The following DDHD2 variants were observed in gnomAD, a reference collection of about 807,000 sequenced individuals.
DDHD2 encodes the protein DDHD domain containing 2.
A neutral mutation model predicts 91.2 loss-of-function variants in DDHD2; 62 were observed. The ratio of observed to expected loss-of-function variants is 0.68; its 90% CI spans 0.55 to 0.84. DDHD2 has a LOEUF of 0.84. DDHD2 is among the 40% of genes least tolerant of loss of function. DDHD2 has a pLI of 0.00. For synonymous variants in DDHD2, 271 were observed against 293.9 expected (o/e 0.92, Z 0.80); for missense variants, 740 against 846.9 (o/e 0.87, Z 1.57).
At position 38,237,540 on chromosome 8, in the gene DDHD2, A is replaced by G. The variant is rs113975957; in HGVS notation, c.414A>G (p.Glu138=). ...YSESFSQVLE[E]TYMLAVTLDE... ...AATGAAATGTGTTTTCTTTTAAGGA[A>G]ACTTACATGCTTGCTGTAACTTTGG... Residue 138 remains glutamate (E), a splice_region_variant and synonymous_variant, in exon 4 of 18, where the codon GAA becomes GAG. Coordinates refer to ENST00000397166, the MANE Select transcript of DDHD2 (RefSeq NM_015214.3). 1.3e-6 allele frequency: 2 copies of G among 1,564,414 alleles called. No individual in the cohort carries two copies. Among genetic ancestry groups the G allele is most frequent in the African/African-American group, 1.4e-5 (1 of 73,596 alleles).
At position 38,261,679 on chromosome 8, in the gene DDHD2, CAG is replaced by C. The variant is rs1807041924; in HGVS notation, c.*1109_*1110del. ...TGTAGGGTCCAAGAAACAGCTATTC[CAG>C]AGTCAGTGTCAGCTGAGTCTGGAAC... On this transcript the variant is annotated 3_prime_UTR_variant, in exon 18 of 18. Coordinates refer to ENST00000397166, the MANE Select transcript of DDHD2 (RefSeq NM_015214.3). 6.6e-6 allele frequency: 1 copy of C among 152,100 alleles called. No individual in the cohort carries two copies. Among genetic ancestry groups the C allele is most frequent in the Admixed American group, 6.6e-5 (1 of 15,258 alleles). The allele number at this position is 152,100 out of a possible 1,614,324, so 9.4% of individuals were successfully genotyped here. A position where few individuals can be genotyped will look rare whatever the true frequency, so the allele number is the denominator to read the frequency against.
At chr8:38,264,816 A>C, downstream of DDHD2, 3 of 1,554,216 alleles carry the variant, frequency 1.9e-6, no homozygotes, top group Middle Eastern at 1.7e-4. Flanking sequence ...TCTGAACACC[A>C]AATCAAAACA....
Position 38,236,125 on chromosome 8 carries a change from G to T in DDHD2, c.412-1413G>T, listed in dbSNP as rs112662418. On this transcript the variant is annotated intron_variant, in intron 3 of 17. Coordinates refer to ENST00000397166, the MANE Select transcript of DDHD2 (RefSeq NM_015214.3). ...CCTCCTGGGTTCTTGCCATTCTCCTGTCTCAGCCTCCCAAGTAGCTGGGAC... is the reference window on the plus strand; with the variant it reads ...CCTCCTGGGTTCTTGCCATTCTCCTTTCTCAGCCTCCCAAGTAGCTGGGAC... Among the ~76,000 whole-genome samples the T allele has an allele frequency of 1.6e-3, 236 of 151,998 alleles. 2 individuals are homozygous for T. The highest frequency in any genetic ancestry group is 5.4e-3 in the African/African-American group (222 of 41,446).
At position 38,246,302 on chromosome 8, in the gene DDHD2, T is replaced by C; in HGVS notation, c.1125+2T>C. 1 of 1,600,966 alleles carries C rather than the reference T, an allele frequency of 6.2e-7. No homozygotes were observed. Among genetic ancestry groups the C allele is most frequent in the Non-Finnish European group, 8.5e-7 (1 of 1,169,812 alleles). ...TTGGGGGATATTGACAGTGAAAAGG[T>C]AATTTAGATGTTCAGCTAGGTTTTC... is the stretch of plus-strand genomic sequence containing the variant. On this transcript the variant is annotated splice_donor_variant, in intron 9 of 17. Coordinates refer to ENST00000397166, the MANE Select transcript of DDHD2 (RefSeq NM_015214.3). LOFTEE classifies it high-confidence loss of function.
chr8:38,255,235 A>C (rs1806425393), intron 16 of DDHD2: 1 of 337,516 alleles, frequency 3.0e-6, no homozygotes, highest in African/African-American at 2.3e-5. Context: ...GGTCCTAAGA[A>C]TAATTTTTCC....
intron 1 of DDHD2, 48 bp from the exon 2 acceptor site, chr8:38,232,939 A>G (rs1804404352): frequency 7.2e-7 from 1 of 1,384,410 alleles, no homozygotes; most frequent in South Asian, 1.2e-5. Context: ...GTGTGCGAAC[A>G]GTTACACAGT....
Position 38,247,832 on chromosome 8 carries a change from T to G in DDHD2, c.1245T>G (p.Ala415=). The G allele has an allele frequency of 3.2e-6, 5 of 1,559,586 alleles. No homozygotes were observed. The highest frequency in any genetic ancestry group is 1.2e-5 in the South Asian group (1 of 82,286). Residue 415 remains alanine (A), a synonymous_variant, in exon 10 of 18, where the codon GCT becomes GCG. Transcript: ENST00000397166. ...AGAAGGAGAAAGTAGATAAGGAAGCTCTGGTAAAAATAATCTTTTAAAACT... is the reference window on the plus strand; with the variant it reads ...AGAAGGAGAAAGTAGATAAGGAAGCGCTGGTAAAAATAATCTTTTAAAACT... ...IFEKEKVDKE[A]LALCTDRDLQ...
chr8:38,259,567 G>A (rs1449696182), intron 16 of DDHD2, among the ~76,000 whole-genome samples: 1 of 152,112 alleles, frequency 6.6e-6, no homozygotes. Context: ...TGTATTTTTA[G>A]TAGAGATGGG....
intron 3 of DDHD2, among the ~76,000 whole-genome samples, chr8:38,236,659 G>A (rs1804787449): frequency 6.6e-6 from 1 of 152,174 alleles, no homozygotes; most frequent in African/African-American, 2.4e-5. Context: ...GGGATTACAG[G>A]CATGTGCCAC....
In DDHD2 at chr8:38,247,777, T is replaced by G. The variant is rs774968835; in HGVS notation, c.1190T>G (p.Leu397Arg). Reference protein sequence around the residue: ...TPTLEEDLKKLQLSEFFDIFE... With the variant: ...TPTLEEDLKKRQLSEFFDIFE... Reference sequence around the variant, plus strand: ...ACACTAGAGGAAGATTTGAAGAAACTTCAGCTCTCTGAATTCTTTGATATC... The same window carrying G: ...ACACTAGAGGAAGATTTGAAGAAACGTCAGCTCTCTGAATTCTTTGATATC... The change falls in exon 10 of 18, where the codon CTT becomes CGT. Residue 397 changes from leucine (L) to arginine (R), a missense_variant. Around this residue, in one of 2 missense-constraint regions of DDHD2, gnomAD observed 693 missense variants for 764.2 expected, o/e 0.91. Transcript: ENST00000397166. The G allele has an allele frequency of 6.3e-7, 1 of 1,584,896 alleles. No individual in the cohort carries two copies. Among genetic ancestry groups the G allele is most frequent in the African/African-American group, 1.4e-5 (1 of 73,500 alleles).
At chr8:38,249,854 G>T (rs752734196) in intron 11 of DDHD2, 51 bp downstream of exon 11, 2 of 1,246,978 alleles carry the variant, frequency 1.6e-6, no homozygotes, top group Non-Finnish European at 1.1e-6. Flanking sequence ...GATGTCCATA[G>T]TGTGTCCTTG....
At position 38,249,758 on chromosome 8, in the gene DDHD2, A is replaced by G. The variant is rs1019701843; in HGVS notation, c.1299A>G (p.Pro433=). 8 of 1,612,316 alleles carry G rather than the reference A, an allele frequency of 5.0e-6. No individual in the cohort carries two copies. The highest frequency in any genetic ancestry group is 2.7e-5 in the African/African-American group (2 of 74,872). ...DLQEIGIPLG[P]RKKILNYFST... is the part of the protein sequence containing the mutation. ...AGGAAATAGGAATTCCTTTAGGACC[A>G]AGAAAGAAGATATTAAACTATTTCA... Residue 433 remains proline (P), a synonymous_variant, in exon 11 of 18, where the codon CCA becomes CCG. Transcript: ENST00000397166.
intron 10 of DDHD2, among the ~76,000 whole-genome samples, chr8:38,248,372 T>TG (rs1805818416): frequency 6.7e-6 from 1 of 148,312 alleles, no homozygotes; most frequent in Admixed American, 6.7e-5. Context: ...GCTGATTTGT[T>TG]TTTTTTTTTT....
chr8:38,255,181 C>T (rs575772618), intron 16 of DDHD2: 44 of 247,742 alleles, frequency 1.8e-4, no homozygotes, highest in African/African-American at 8.5e-4. Context: ...GGTGACAGAG[C>T]GAGACTCCAT....
chr8:38,241,784 TG>T (rs1446315887), intron 6 of DDHD2, among the ~76,000 whole-genome samples: 1 of 149,502 alleles, frequency 6.7e-6, no homozygotes, highest in Non-Finnish European at 1.5e-5. Context: ...CCAGGCACGG[TG>T]GCTCACACCT....
At chr8:38,267,360 G>A (rs11539529), downstream of DDHD2, 388 of 1,613,762 alleles carry the variant, frequency 2.4e-4, no homozygotes, top group Non-Finnish European at 2.7e-4. Context: ...AGCCCATCAG[G>A]GAAGCAGCGG....
At chr8:38,268,493 C>A (rs1254256158) in intron 1 of DDHD2, 3 of 1,549,582 alleles carry the variant, frequency 1.9e-6, no homozygotes, top group Admixed American at 2.0e-5. Flanking sequence ...TAAAAACAAT[C>A]CAAAAAAAAG....
chr8:38,253,288 G>C lies in DDHD2; in HGVS notation c.1891+161G>C. 4 of 860,112 alleles carry C rather than the reference G, an allele frequency of 4.7e-6. No individual in the cohort carries two copies. The South Asian group carries it at 7.5e-5, about 16-fold the overall frequency. The allele number at this position is 860,112 out of a possible 1,614,324, so 53.3% of individuals were successfully genotyped here. A position where few individuals can be genotyped will look rare whatever the true frequency, so the allele number is the denominator to read the frequency against. On this transcript the variant is annotated intron_variant, in intron 15 of 17. Coordinates refer to ENST00000397166, the MANE Select transcript of DDHD2 (RefSeq NM_015214.3). ...CTTCTAAAGAGCTCTATTCCTGCTT[G>C]CATTTAGTATAAACCCAAGGCAAAT...
At position 38,252,979 on chromosome 8, in the gene DDHD2, G is replaced by A. The variant is rs1030394992; in HGVS notation, c.1743G>A (p.Arg581=). The A allele has an allele frequency of 6.2e-7, 1 of 1,614,114 alleles. No individual in the cohort carries two copies. Among genetic ancestry groups the A allele is most frequent in the African/African-American group, 1.3e-5 (1 of 75,044 alleles). The change falls in exon 15 of 18, where the codon AGG becomes AGA. Residue 581 remains arginine (R), a synonymous_variant. Transcript: ENST00000397166. ...CAGAACTGAGAGAGGGCTTGACCAGGATGAGTATGGACCTTAAGAACAACT... is the reference window on the plus strand; with the variant it reads ...CAGAACTGAGAGAGGGCTTGACCAGAATGAGTATGGACCTTAAGAACAACT... The part of the protein sequence containing the change: ...MHLELREGLT[R]MSMDLKNNLL...
Sources: gnomAD v4.1 joint callset for allele counts (sites outside exome capture counted in the v4.1 genomes callset) on GRCh38, gnomAD v4.1.1 for gene constraint, gnomAD v4.1.1 regional missense constraint, MANE v1.5 for transcripts, NCBI Gene and HGNC (gene_info 2026-07-23, HGNC 2026-07-21) for gene names.